Variants in KCNG3 observed in about 807,000 individuals in gnomAD.
KCNG3 encodes voltage-gated potassium channel regulatory subunit KCNG3.
A neutral mutation model predicts 29.0 loss-of-function variants in KCNG3; 15 were observed. The ratio of observed to expected loss-of-function variants is 0.52; its 90% CI spans 0.35 to 0.80. The LOEUF is 0.80. KCNG3 is among the 30% of genes least tolerant of loss of function. The pLI is 0.01. For missense variants in KCNG3, 512 were observed against 605.7 expected (o/e 0.85, Z 1.62); for synonymous variants, 322 against 248.9 (o/e 1.29, Z -2.76).
At chr2:42,465,329 A>G (rs1187882664) in intron 1 of KCNG3, among the ~76,000 whole-genome samples, 1 of 150,946 alleles carries the variant, frequency 6.6e-6, no homozygotes, top group Non-Finnish European at 1.5e-5. Context: ...TGATCCTCCC[A>G]CCTCAGCCTC....
chr2:42,463,767 C>A, intron 1 of KCNG3: 1 of 188,412 alleles, frequency 5.3e-6, no homozygotes, highest in South Asian at 9.8e-5. Flanking sequence ...GGTGTGCGGT[C>A]AGTGTTTCAT....
intron 1 of KCNG3, among the ~76,000 whole-genome samples, chr2:42,468,379 A>G (rs1460695906): frequency 6.6e-6 from 1 of 152,188 alleles, no homozygotes; most frequent in East Asian, 1.9e-4. Flanking sequence ...CTTAAATTGA[A>G]CCATCATAAA....
At chr2:42,403,383 T>G in the KCNG3 span, among the ~76,000 whole-genome samples, 2 of 152,030 alleles carry the variant, frequency 1.3e-5, no homozygotes, top group Non-Finnish European at 2.9e-5. Context: ...ACTCAAGGGT[T>G]CCTCCCACCT....
At chr2:42,421,205 G>A in the KCNG3 span, among the ~76,000 whole-genome samples, 4 of 152,142 alleles carry the variant, frequency 2.6e-5, no homozygotes, top group East Asian at 1.9e-4. Flanking sequence ...GTGTTCATTC[G>A]ACATTTACTG....
At chr2:42,392,097 T>C in the KCNG3 span, among the ~76,000 whole-genome samples, 1 of 152,198 alleles carries the variant, frequency 6.6e-6, no homozygotes, top group Admixed American at 6.5e-5. Flanking sequence ...ATCAGTTTAA[T>C]TCAAATAAAG....
chr2:42,488,812 A>G (rs1673798845), intron 1 of KCNG3, among the ~76,000 whole-genome samples: 1 of 152,026 alleles, frequency 6.6e-6, no homozygotes, highest in Non-Finnish European at 1.5e-5. Flanking sequence ...GGCCTCCCAA[A>G]GTGCTGGAAT....
chr2:42,396,410 C>T, the KCNG3 span, among the ~76,000 whole-genome samples: 5 of 152,116 alleles, frequency 3.3e-5, no homozygotes, highest in African/African-American at 1.2e-4. Flanking sequence ...TTTCATTGTC[C>T]TATTTCTTCT....
intron 1 of KCNG3, chr2:42,463,925 C>A: frequency 3.0e-6 from 1 of 338,688 alleles, no homozygotes; most frequent in Non-Finnish European, 5.9e-6. Context: ...TTTATTAAGC[C>A]TAATCCACAG....
At chr2:42,408,941 G>T in the KCNG3 span, among the ~76,000 whole-genome samples, 1 of 152,086 alleles carries the variant, frequency 6.6e-6, no homozygotes, top group Non-Finnish European at 1.5e-5. Flanking sequence ...CTGAATGCTT[G>T]TTCCCCGATG....
chr2:42,472,130 AAAG>A (rs1389976021), intron 1 of KCNG3, among the ~76,000 whole-genome samples: 6 of 152,190 alleles, frequency 3.9e-5, no homozygotes, highest in African/African-American at 1.2e-4. Flanking sequence ...TAGATGCATT[AAAG>A]AAGGTCTCCT....
chr2:42,410,457 T>C, the KCNG3 span, among the ~76,000 whole-genome samples: 1 of 152,194 alleles, frequency 6.6e-6, no homozygotes, highest in Non-Finnish European at 1.5e-5. Flanking sequence ...ATGGAGTATA[T>C]TATTAAACTT....
downstream of KCNG3, among the ~76,000 whole-genome samples, chr2:42,437,091 A>G (rs976608065): frequency 1.3e-5 from 2 of 152,160 alleles, no homozygotes; most frequent in Non-Finnish European, 2.9e-5. Context: ...AAACCTATCT[A>G]TTACATGAAG....
the KCNG3 span, among the ~76,000 whole-genome samples, chr2:42,414,504 T>C: frequency 6.6e-6 from 1 of 152,154 alleles, no homozygotes; most frequent in Non-Finnish European, 1.5e-5. Flanking sequence ...TTCTCTTTAT[T>C]TCCAATATTT....
At chr2:42,419,866 G>C in the KCNG3 span, among the ~76,000 whole-genome samples, 1 of 152,198 alleles carries the variant, frequency 6.6e-6, no homozygotes, top group South Asian at 2.1e-4. Context: ...TAGCAAGAGA[G>C]CAGAGACTGC....
the KCNG3 span, among the ~76,000 whole-genome samples, chr2:42,423,522 C>T: frequency 6.6e-6 from 1 of 152,186 alleles, no homozygotes; most frequent in African/African-American, 2.4e-5. Flanking sequence ...AAACATGCCA[C>T]TTTCTCTTGC....
chr2:42,404,164 A>G, the KCNG3 span, among the ~76,000 whole-genome samples: 3 of 152,146 alleles, frequency 2.0e-5, no homozygotes, highest in South Asian at 6.2e-4. Flanking sequence ...TTATTAGTCT[A>G]TTCTGGTTTT....
chr2:42,399,056 C>CTTTTTTTTTTTTTTTTTT, the KCNG3 span, among the ~76,000 whole-genome samples: 2 of 107,634 alleles, frequency 1.9e-5, no homozygotes, highest in Non-Finnish European at 3.7e-5. Context: ...TTTTTCTTTT[C>CTTTTTTTTTTTTTTTTTT]TTTTTTTTTT....
Position 42,493,051 on chromosome 2 carries a change from T to A in KCNG3, c.451A>T (p.Arg151Trp). The change falls in exon 1 of 2, where the codon AGG (arginine) becomes TGG (tryptophan). Residue 151 changes from arginine (R) to tryptophan (W), a missense_variant. Arg to Trp is a moderately radical substitution (Grantham distance 101). This residue lies in a region of KCNG3 where 228 missense variants were observed against 200.0 expected (regional missense o/e 1.14). Transcript: ENST00000306078. ...RPGGAEAAPS[R>W]RWLERMRRTF... ...CGCCGCATGCGCTCCAGCCAGCGCC[T>A]GGAGGGAGCCGCCTCGGCCCCGCCG... is the stretch of plus-strand genomic sequence containing the variant. 1 of 1,524,626 alleles carries A rather than the reference T, an allele frequency of 6.6e-7. No homozygotes were observed. The allele number at this position is 1,524,626 out of a possible 1,614,324, so 94.4% of individuals were successfully genotyped here.
intron 1 of KCNG3, among the ~76,000 whole-genome samples, chr2:42,469,535 T>C (rs1168888038): frequency 6.6e-6 from 1 of 152,038 alleles, no homozygotes; most frequent in Non-Finnish European, 1.5e-5. Context: ...GACTATTCTG[T>C]AGTGCTAAGG....
Sources: gnomAD v4.1 joint callset for allele counts (sites outside exome capture counted in the v4.1 genomes callset) on GRCh38, gnomAD v4.1.1 for gene constraint, gnomAD v4.1.1 regional missense constraint, MANE v1.5 for transcripts, NCBI Gene and HGNC (gene_info 2026-07-23, HGNC 2026-07-21) for gene names.